PCLO: variants seen among roughly 807,000 people sequenced by gnomAD.
PCLO encodes the protein piccolo presynaptic cytomatrix protein, also known as protein piccolo.
PCLO carries 82 observed loss-of-function variants against 427.5 expected under a neutral mutation model. The observed-to-expected ratio is 0.19, with a 90% CI of 0.16 to 0.23. The LOEUF (loss-of-function observed/expected upper bound fraction) is 0.23. Among genes scored for constraint, PCLO ranks in the 10% least tolerant of loss-of-function variants. The pLI, the probability that PCLO is intolerant of heterozygous loss-of-function variation, is 1.00. For synonymous variants in PCLO, 2,357 were observed against 2,155.4 expected, an observed-to-expected ratio of 1.09 and a Z score of -2.59; for missense variants, 6,239 against 6,115.9, an observed-to-expected ratio of 1.02 and a Z score of -0.67.
chr7:82,794,893 CTTA>C (rs1341703086), intron 22 of PCLO, among the ~76,000 whole-genome samples: 2 of 151,998 alleles, frequency 1.3e-5, no homozygotes, highest in Non-Finnish European at 2.9e-5. Flanking sequence ...ATATTTTAAT[CTTA>C]TTTATCATTT....
chr7:82,952,072 T>G lies in PCLO; in HGVS notation c.8881A>C (p.Thr2961Pro). 6.2e-7 allele frequency: 1 copy of G among 1,613,396 alleles called. No homozygotes were observed. The highest frequency in any genetic ancestry group is 8.5e-7 in the Non-Finnish European group (1 of 1,179,768). The change falls in exon 5 of 25, where the codon ACT (threonine) becomes CCT (proline). Residue 2961 changes from threonine (T) to proline (P), a missense_variant. By Grantham distance (38) the Thr-to-Pro change is conservative. Around this residue, in one of 5 missense-constraint regions of PCLO, gnomAD observed 4,677 missense variants for 4,468.4 expected, o/e 1.05. Transcript: ENST00000333891. ...TAACCAAAACGATCCTCAGGAAGAG[T>G]AGTTGCAGGCTGCTGTGCTGTGCAG... The part of the protein sequence containing the change: ...RSCTAQQPAT[T>P]LPEDRFGYRD...
intron 3 of PCLO, among the ~76,000 whole-genome samples, chr7:82,991,207 T>G (rs2115842096): frequency 6.6e-6 from 1 of 152,228 alleles, no homozygotes; most frequent in Non-Finnish European, 1.5e-5. Context: ...ATTTATAGTA[T>G]CTATCTGTCT....
intron 20 of PCLO, chr7:82,820,892 C>A: frequency 8.1e-7 from 1 of 1,230,274 alleles, no homozygotes; most frequent in Admixed American, 4.2e-5. Flanking sequence ...TCAAAAGATG[C>A]CCAGTGCATA....
chr7:83,116,183 T>C (rs1791126554), intron 3 of PCLO, among the ~76,000 whole-genome samples: 2 of 152,110 alleles, frequency 1.3e-5, no homozygotes, highest in African/African-American at 4.8e-5. Flanking sequence ...AATATTGTTT[T>C]GCCATCTGAT....
intron 3 of PCLO, among the ~76,000 whole-genome samples, chr7:83,122,286 C>CTTTTT (rs71074624): frequency 5.9e-4 from 75 of 128,170 alleles, no homozygotes; most frequent in Middle Eastern, 4.2e-3. Flanking sequence ...CTTTTCTTTT[C>CTTTTT]TTTTTTTTTT....
At chr7:82,995,896 AC>A (rs1457721129) in intron 3 of PCLO, among the ~76,000 whole-genome samples, 1 of 151,956 alleles carries the variant, frequency 6.6e-6, no homozygotes, top group Non-Finnish European at 1.5e-5. Flanking sequence ...TATGTTTAGT[AC>A]GTACAAATGT....
chr7:83,055,831 T>C (rs1361899562), intron 3 of PCLO, among the ~76,000 whole-genome samples: 1 of 152,136 alleles, frequency 6.6e-6, no homozygotes, highest in Non-Finnish European at 1.5e-5. Flanking sequence ...TTCTTCCAAA[T>C]GTAAATTCAG....
rs570126152 is a variant in PCLO at position 82,826,585 on chromosome 7, T to A, written c.14415+4A>T. On this transcript the variant is annotated splice_donor_region_variant and intron_variant, in intron 18 of 24. Coordinates refer to ENST00000333891, the MANE Select transcript of PCLO (RefSeq NM_033026.6). ...AAATAAGGGAAAGGAAGTCAGAGGC[T>A]TACCTCCCCAAGGAAGTCGTTGGAT... is the stretch of plus-strand genomic sequence containing the variant. The A allele has an allele frequency of 6.3e-7, 1 of 1,590,250 alleles. No homozygotes were observed. The highest frequency in any genetic ancestry group is 1.7e-5 in the Admixed American group (1 of 58,998).
rs556193471 is a variant in PCLO at position 83,050,208 on chromosome 7, G to GAAAAAAAAAAAAAAA, written c.3301-83736_3301-83722dup. Among the ~76,000 whole-genome samples the GAAAAAAAAAAAAAAA allele has an allele frequency of 2.4e-3, 13 of 5,458 alleles. 2 individuals carry two copies. Among genetic ancestry groups the GAAAAAAAAAAAAAAA allele is most frequent in the South Asian group, 0.028 (1 of 36 alleles). 3.6% of individuals were successfully genotyped at this position (5,458 alleles called of 152,430 possible). On this transcript the variant is annotated intron_variant, in intron 3 of 24. Transcript: ENST00000333891. ...TGAACTATTCCTCATCTGAAAAACTGAAAAAAAAAAAAAAAAAAAAAAAAA... is the reference window on the plus strand; with the variant it reads ...TGAACTATTCCTCATCTGAAAAACTGAAAAAAAAAAAAAAAAAAAAAAAAAAAAAAAAAAAAAAAA...
intron 8 of PCLO, among the ~76,000 whole-genome samples, chr7:82,907,872 G>A (rs1439420747): frequency 1.3e-5 from 2 of 151,930 alleles, no homozygotes; most frequent in Non-Finnish European, 2.9e-5. Context: ...TCAAATCTAA[G>A]AGTATAGTCA....
chr7:82,882,031 G>A (rs1312897558), intron 9 of PCLO, among the ~76,000 whole-genome samples: 9 of 151,848 alleles, frequency 5.9e-5, no homozygotes, highest in African/African-American at 2.2e-4. Flanking sequence ...AATAGACCCA[G>A]GAAAAATAAC....
In PCLO at chr7:83,000,268, T is replaced by TGAGAGA. The variant is rs145445022; in HGVS notation, c.3301-33787_3301-33782dup. ...GAGTAGAGTAAAATATTCAAAGTGTTGAGAGAGAGAGAGAGAGAGAGAGAG... is the reference window on the plus strand; with the variant it reads ...GAGTAGAGTAAAATATTCAAAGTGTTGAGAGAGAGAGAGAGAGAGAGAGAGAGAGAG... On this transcript the variant is annotated intron_variant, in intron 3 of 24. Transcript: ENST00000333891. 2.0e-3 allele frequency among the ~76,000 whole-genome samples: 106 copies of TGAGAGA among 54,116 alleles called. 1 individual carries two copies. The highest frequency in any genetic ancestry group is 0.015 in the Middle Eastern group (2 of 132). 35.5% of individuals were successfully genotyped at this position (54,116 alleles called of 152,430 possible). A position where few individuals can be genotyped will look rare whatever the true frequency, so the allele number is the denominator to read the frequency against.
chr7:82,875,107 G>A (rs540700676), intron 10 of PCLO, among the ~76,000 whole-genome samples: 2 of 152,194 alleles, frequency 1.3e-5, no homozygotes, highest in East Asian at 3.9e-4. Context: ...ATTTGTGGTA[G>A]GAATGTTTAC....
chr7:82,822,725 T>C, intron 19 of PCLO, 36 bp from the exon 20 acceptor site: 1 of 1,568,154 alleles, frequency 6.4e-7, no homozygotes, highest in Non-Finnish European at 8.7e-7. Context: ...GTTAAAGTTG[T>C]TCCAGCATTC....
chr7:82,915,726 C>T lies in PCLO; in HGVS notation c.12260G>A (p.Arg4087Gln), dbSNP rs200132299. 26 of 1,611,792 alleles carry T rather than the reference C, an allele frequency of 1.6e-5. No homozygotes were observed. The highest frequency in any genetic ancestry group is 4.4e-5 in the South Asian group (4 of 90,958). The change falls in exon 7 of 25, where the codon CGG (arginine) becomes CAG (glutamine). Residue 4087 changes from arginine to glutamine, a missense_variant. Around this residue, in one of 5 missense-constraint regions of PCLO, gnomAD observed 680 missense variants for 677.3 expected, o/e 1.00. Coordinates refer to ENST00000333891, the MANE Select transcript of PCLO (RefSeq NM_033026.6). ...DRLLRTTETR[R>Q]SQEVTDFLAP... Reference sequence around the variant, plus strand: ...TAGGAAATCTGTCACTTCTTGAGACCGGCGTGTCTCAGTGGTTCGAAGGAG... The same window carrying T: ...TAGGAAATCTGTCACTTCTTGAGACTGGCGTGTCTCAGTGGTTCGAAGGAG...
At chr7:82,899,539 A>G (rs1046568432) in intron 9 of PCLO, among the ~76,000 whole-genome samples, 1 of 151,560 alleles carries the variant, frequency 6.6e-6, no homozygotes, top group Non-Finnish European at 1.5e-5. Flanking sequence ...GTAGTAATCA[A>G]TACAGGGTAA....
intron 3 of PCLO, among the ~76,000 whole-genome samples, chr7:83,057,344 ATATATTTTTTTTTTTTTTTT>A (rs1473064585): frequency 2.1e-3 from 41 of 19,920 alleles, no homozygotes; most frequent in African/African-American, 7.6e-3. Context: ...ATATATATAT[ATATATTTTTTTTTTTTTTTT>A]TTTTTTTTTT....
At position 82,952,892 on chromosome 7, in the gene PCLO, A is replaced by G. The variant is rs763304811; in HGVS notation, c.8061T>C (p.Pro2687=). Residue 2687 remains proline (P), a synonymous_variant, in exon 5 of 25, where the codon CCT becomes CCC. Coordinates refer to ENST00000333891, the MANE Select transcript of PCLO (RefSeq NM_033026.6). ...TGGAAATGCTGCTGAGACCAACACTAGGAGCTGTACTTCTGGTTGCTGAAA... is the reference window on the plus strand; with the variant it reads ...TGGAAATGCTGCTGAGACCAACACTGGGAGCTGTACTTCTGGTTGCTGAAA... ...TEVSATRSTA[P]SVGLSSISIT... 6.2e-7 allele frequency: 1 copy of G among 1,613,950 alleles called. No homozygotes were observed. The highest frequency in any genetic ancestry group is 1.7e-5 in the Admixed American group (1 of 60,022).
At chr7:82,796,045 G>A (rs1791216507) in intron 22 of PCLO, among the ~76,000 whole-genome samples, 1 of 152,030 alleles carries the variant, frequency 6.6e-6, no homozygotes, top group Non-Finnish European at 1.5e-5. Flanking sequence ...AATATTCTGG[G>A]CTTTCATCAA....
Sources: allele counts gnomAD v4.1 joint callset (sites outside exome capture counted in the v4.1 genomes callset), GRCh38; gene constraint gnomAD v4.1.1; regional missense constraint gnomAD v4.1.1; transcripts MANE v1.5; gene names NCBI Gene and HGNC (gene_info 2026-07-23, HGNC 2026-07-21).